XKR4: variants seen among roughly 807,000 people sequenced by gnomAD.
XKR4 encodes the protein XK related 4.
Under a neutral mutation model 53.9 loss-of-function variants are expected in XKR4, and 12 were observed. The observed-to-expected ratio is 0.22, with a 90% confidence interval of 0.14 to 0.36. The LOEUF is 0.36. Ranked by LOEUF, XKR4 falls within the 10% of genes least tolerant of loss-of-function variation. XKR4 has a pLI of 1.00. For missense variants in XKR4, 799 were observed against 859.5 expected (o/e 0.93, Z 0.88); for synonymous variants, 354 against 362.4 (o/e 0.98, Z 0.26).
intron 2 of XKR4, among the ~76,000 whole-genome samples, chr8:55,480,422 A>C (rs944801064): frequency 6.6e-6 from 1 of 152,240 alleles, no homozygotes; most frequent in Non-Finnish European, 1.5e-5. Context: ...AGAGCTATCT[A>C]TGACAAACCC....
At chr8:55,357,604 A>G (rs1485459062) in intron 1 of XKR4, 74 bp from the exon 2 acceptor site, 5 of 1,542,374 alleles carry the variant, frequency 3.2e-6, no homozygotes, top group Non-Finnish European at 8.9e-7. Flanking sequence ...GCTTGCAGAA[A>G]AGAACAACCC....
chr8:55,120,879 C>T (rs1015108792), intron 1 of XKR4, among the ~76,000 whole-genome samples: 40 of 152,300 alleles, frequency 2.6e-4, no homozygotes, highest in South Asian at 4.1e-4. Flanking sequence ...ACCTTCCCTC[C>T]ATCCCCACAA....
At position 55,289,671 on chromosome 8, in the gene XKR4, A is replaced by AG. The variant is rs372218540; in HGVS notation, c.807-68007_807-68006insG. Among the ~76,000 whole-genome samples the AG allele has an allele frequency of 7.5e-3, 381 of 51,124 alleles. 6 individuals are homozygous for AG. Among genetic ancestry groups the AG allele is most frequent in the South Asian group, 0.022 (27 of 1,242 alleles). 33.5% of individuals were successfully genotyped at this position (51,124 alleles called of 152,430 possible). A position where few individuals can be genotyped will look rare whatever the true frequency, so the allele number is the denominator to read the frequency against. On this transcript the variant is annotated intron_variant, in intron 1 of 2. Coordinates refer to ENST00000327381, the MANE Select transcript of XKR4 (RefSeq NM_052898.2). ...AAAGGAAGGAAGGAAAAGAAAAGAA[A>AG]AGAAAGAGAAAGAAAGAAAGAAAGA...
chr8:55,498,642 G>A (rs138979647), intron 2 of XKR4, among the ~76,000 whole-genome samples: 160 of 152,238 alleles, frequency 1.1e-3, no homozygotes, highest in African/African-American at 3.5e-3. Context: ...GGCCAGTAGC[G>A]TGTACCTGTA....
At chr8:55,387,458 T>C (rs1804337638) in intron 2 of XKR4, among the ~76,000 whole-genome samples, 1 of 152,204 alleles carries the variant, frequency 6.6e-6, no homozygotes, top group African/African-American at 2.4e-5. Flanking sequence ...TTTCTTCTTA[T>C]GCCTTGCCTC....
intron 1 of XKR4, among the ~76,000 whole-genome samples, chr8:55,330,616 A>G (rs1321774955): frequency 1.3e-5 from 2 of 152,234 alleles, no homozygotes; most frequent in African/African-American, 4.8e-5. Flanking sequence ...ATTCAGCAGT[A>G]ATGAAGTTAT....
At chr8:55,420,795 T>C (rs1311997844) in intron 2 of XKR4, among the ~76,000 whole-genome samples, 8 of 91,462 alleles carry the variant, frequency 8.7e-5, no homozygotes, top group Non-Finnish European at 1.2e-4. Context: ...TAATAATAAA[T>C]AGATAAATAA....
At chr8:55,427,625 C>T (rs1805036767) in intron 2 of XKR4, among the ~76,000 whole-genome samples, 1 of 152,212 alleles carries the variant, frequency 6.6e-6, no homozygotes, top group East Asian at 1.9e-4. Flanking sequence ...TTGTAATACA[C>T]ACTCTGAATA....
At chr8:55,175,302 G>C (rs991769271) in intron 1 of XKR4, among the ~76,000 whole-genome samples, 1 of 152,166 alleles carries the variant, frequency 6.6e-6, no homozygotes, top group Non-Finnish European at 1.5e-5. Context: ...ACAGAAATTG[G>C]CTTTGACAGA....
intron 2 of XKR4, among the ~76,000 whole-genome samples, chr8:55,385,094 T>A (rs574423809): frequency 2.6e-5 from 4 of 152,188 alleles, no homozygotes; most frequent in Non-Finnish European, 5.9e-5. Context: ...ATGCTCTACA[T>A]TGGCAATATG....
At chr8:55,209,068 C>G (rs1326367807) in intron 1 of XKR4, among the ~76,000 whole-genome samples, 2 of 152,188 alleles carry the variant, frequency 1.3e-5, no homozygotes, top group African/African-American at 4.8e-5. Context: ...TCCTGTGGCT[C>G]ATAGGCAACC....
intron 2 of XKR4, among the ~76,000 whole-genome samples, chr8:55,412,876 T>C (rs1804795678): frequency 6.6e-6 from 1 of 152,222 alleles, no homozygotes; most frequent in African/African-American, 2.4e-5. Flanking sequence ...TCATTTGTCC[T>C]TTAAGCTGTC....
chr8:55,263,696 T>C (rs958618003), intron 1 of XKR4, among the ~76,000 whole-genome samples: 2 of 152,244 alleles, frequency 1.3e-5, no homozygotes, highest in Non-Finnish European at 1.5e-5. Context: ...TTTTGAGCTA[T>C]GAATTTCTTT....
chr8:55,380,758 A>G (rs1170167872), intron 2 of XKR4, among the ~76,000 whole-genome samples: 1 of 152,266 alleles, frequency 6.6e-6, no homozygotes, highest in African/African-American at 2.4e-5. Flanking sequence ...GGAACCTGCT[A>G]CTGATTTCGC....
At chr8:55,297,106 C>T (rs1181990060) in intron 1 of XKR4, among the ~76,000 whole-genome samples, 2 of 152,148 alleles carry the variant, frequency 1.3e-5, no homozygotes, top group Non-Finnish European at 2.9e-5. Flanking sequence ...TAAGTAAATG[C>T]TTCAAGGAGC....
chr8:55,121,839 C>T (rs1476545918), intron 1 of XKR4, among the ~76,000 whole-genome samples: 1 of 146,634 alleles, frequency 6.8e-6, no homozygotes, highest in African/African-American at 2.5e-5. Context: ...ACATTACACA[C>T]ACACACACAC....
chr8:55,317,626 A>C (rs866866281), intron 1 of XKR4, among the ~76,000 whole-genome samples: 1 of 152,188 alleles, frequency 6.6e-6, no homozygotes, highest in Non-Finnish European at 1.5e-5. Flanking sequence ...GCCAGTTGTC[A>C]TGTCAGACCT....
chr8:55,231,017 C>T (rs1036784426), intron 1 of XKR4, among the ~76,000 whole-genome samples: 3 of 152,164 alleles, frequency 2.0e-5, no homozygotes, highest in Non-Finnish European at 4.4e-5. Context: ...TGACACATTG[C>T]CTGGTCTCTT....
chr8:55,346,683 T>TGATGTGTGTG (rs1803647939), intron 1 of XKR4, among the ~76,000 whole-genome samples: 1 of 55,522 alleles, frequency 1.8e-5, no homozygotes, highest in African/African-American at 1.1e-4. Flanking sequence ...CCTGTTGAGG[T>TGATGTGTGTG]TATGTGTGTG....
Sources: allele counts gnomAD v4.1 joint callset (sites outside exome capture counted in the v4.1 genomes callset), GRCh38; gene constraint gnomAD v4.1.1; transcripts MANE v1.5; gene names NCBI Gene and HGNC (gene_info 2026-07-23, HGNC 2026-07-21).